The following TMEM161B variants were observed in gnomAD, a reference collection of about 807,000 sequenced individuals.
TMEM161B encodes the protein transmembrane protein 161B.
TMEM161B carries 34 observed loss-of-function variants against 61.8 expected under a neutral mutation model. The ratio of observed to expected loss-of-function variants is 0.55; its 90% CI spans 0.42 to 0.73. TMEM161B has a LOEUF of 0.73. TMEM161B is among the 30% of genes least tolerant of loss of function. The pLI is 0.00. For missense variants in TMEM161B, 456 were observed against 558.5 expected (o/e 0.82, Z 1.85); for synonymous variants, 167 against 192.8 (o/e 0.87, Z 1.11).
intron 5 of TMEM161B, among the ~76,000 whole-genome samples, chr5:88,211,973 G>A (rs1746894395): frequency 1.3e-5 from 2 of 152,002 alleles, no homozygotes; most frequent in Non-Finnish European, 2.9e-5. Flanking sequence ...CCACAAGGAA[G>A]TAAAAAAGAT....
chr5:88,249,502 T>A (rs10214154), intron 1 of TMEM161B, among the ~76,000 whole-genome samples: 3,307 of 151,794 alleles, frequency 0.022, 118 homozygotes, highest in African/African-American at 0.075. Context: ...TCTTTCAATC[T>A]TGCACGTAGT....
rs200186614 is a variant in TMEM161B, at chr5:88,196,485, T to A, written c.1190A>T (p.Asn397Ile). 3 of 1,569,234 alleles carry A rather than the reference T, an allele frequency of 1.9e-6. No homozygotes were observed. Among genetic ancestry groups the A allele is most frequent in the Non-Finnish European group, 2.6e-6 (3 of 1,160,270 alleles). Residue 397 changes from asparagine to isoleucine, a missense_variant, in exon 12 of 12, where the codon AAT becomes ATT. Asn to Ile is a moderately radical substitution (Grantham distance 149). This residue lies in a region of TMEM161B where 367 missense variants were observed against 427.3 expected (regional missense o/e 0.86). Transcript: ENST00000296595. ...TTCTGGATAAATACCCCAGGAATGA[T>A]TACCTAGAAAATCAAAGACACAAAT... ...HTTLLLKTLG[N>I]HSWGIYPESI... is the part of the protein sequence containing the mutation.
chr5:88,232,164 T>C (rs1049227941), intron 2 of TMEM161B, among the ~76,000 whole-genome samples: 4 of 152,028 alleles, frequency 2.6e-5, no homozygotes, highest in Admixed American at 1.3e-4. Flanking sequence ...CCTAAACAGA[T>C]CATAAAAAGG....
At chr5:88,231,085 T>A (rs1317329801) in intron 2 of TMEM161B, among the ~76,000 whole-genome samples, 1 of 152,226 alleles carries the variant, frequency 6.6e-6, no homozygotes, top group African/African-American at 2.4e-5. Context: ...AACACATTGA[T>A]GTGCCCAGAG....
intron 8 of TMEM161B, chr5:88,205,605 T>C: frequency 2.3e-6 from 1 of 443,098 alleles, no homozygotes. Context: ...ACAAATTTAG[T>C]AATCGATGAT....
At chr5:88,218,122 T>C (rs557099528) in intron 5 of TMEM161B, among the ~76,000 whole-genome samples, 5 of 152,000 alleles carry the variant, frequency 3.3e-5, no homozygotes, top group Admixed American at 6.5e-5. Context: ...CCAAATAATA[T>C]AAAAATATAA....
At chr5:88,215,369 C>T (rs1747637813) in intron 5 of TMEM161B, among the ~76,000 whole-genome samples, 1 of 152,098 alleles carries the variant, frequency 6.6e-6, no homozygotes, top group Non-Finnish European at 1.5e-5. Context: ...TATGTTATAA[C>T]TAAAGATAAA....
chr5:88,205,279 T>C (rs1020611290), intron 8 of TMEM161B, among the ~76,000 whole-genome samples: 1 of 152,266 alleles, frequency 6.6e-6, no homozygotes, highest in South Asian at 2.1e-4. Flanking sequence ...GTACAACATA[T>C]AACATTGTAG....
intron 5 of TMEM161B, among the ~76,000 whole-genome samples, chr5:88,210,358 G>A (rs1043719076): frequency 1.3e-5 from 2 of 152,092 alleles, no homozygotes; most frequent in African/African-American, 4.8e-5. Flanking sequence ...TCCTGATTGT[G>A]TTTAAATTTT....
chr5:88,195,530 A>T lies in TMEM161B; in HGVS notation c.*681T>A. 1 of 985,384 alleles carries T rather than the reference A, an allele frequency of 1.0e-6. No individual in the cohort carries two copies. The allele number at this position is 985,384 out of a possible 1,614,324, so 61.0% of individuals were successfully genotyped here. A position where few individuals can be genotyped will look rare whatever the true frequency, so the allele number is the denominator to read the frequency against. The stretch of plus-strand genomic sequence containing the variant: ...CAGGTCCAAACCTAATGGCAAGATT[A>T]CAAATGTTCATATGGCCAATCATTT... On this transcript the variant is annotated 3_prime_UTR_variant, in exon 12 of 12. Transcript: ENST00000296595.
chr5:88,224,085 A>AT (rs892351823), intron 4 of TMEM161B, among the ~76,000 whole-genome samples: 30 of 152,242 alleles, frequency 2.0e-4, no homozygotes, highest in African/African-American at 7.0e-4. Context: ...ACCTCTTAAG[A>AT]TTTTTTGATG....
chr5:88,192,024 A>C (rs4610489), downstream of TMEM161B, among the ~76,000 whole-genome samples: 3 of 51,504 alleles, frequency 5.8e-5, no homozygotes, highest in South Asian at 2.0e-3. Flanking sequence ...ATATATATAT[A>C]TATGTATATA....
intron 5 of TMEM161B, among the ~76,000 whole-genome samples, chr5:88,218,655 T>C (rs1748363053): frequency 1.3e-5 from 2 of 151,930 alleles, no homozygotes; most frequent in Admixed American, 6.6e-5. Context: ...ACCACTGCAC[T>C]CCAGCCTAGG....
At chr5:88,242,339 T>C (rs75959981) in intron 1 of TMEM161B, among the ~76,000 whole-genome samples, 3,189 of 148,754 alleles carry the variant, frequency 0.021, 103 homozygotes, top group African/African-American at 0.07. Flanking sequence ...GTATCCTACA[T>C]GGTACACCAT....
chr5:88,252,495 A>C (rs1754461180), intron 1 of TMEM161B, among the ~76,000 whole-genome samples: 3 of 152,334 alleles, frequency 2.0e-5, no homozygotes, highest in African/African-American at 7.2e-5. Context: ...ATGTCGTTGA[A>C]ACAAAAGGAA....
chr5:88,197,407 A>G (rs1056305121), intron 11 of TMEM161B, among the ~76,000 whole-genome samples: 1 of 152,302 alleles, frequency 6.6e-6, no homozygotes, highest in South Asian at 2.1e-4. Context: ...AGTGCTTACT[A>G]AAGTTACTGG....
At position 88,198,971 on chromosome 5, in the gene TMEM161B, C is replaced by T. The variant is rs1260628239; in HGVS notation, c.1089+5G>A. The T allele has an allele frequency of 6.3e-7, 1 of 1,599,418 alleles. No individual in the cohort carries two copies. Among genetic ancestry groups the T allele is most frequent in the Admixed American group, 1.7e-5 (1 of 58,746 alleles). On this transcript the variant is annotated splice_donor_5th_base_variant and intron_variant, in intron 10 of 11. Coordinates refer to ENST00000296595, the MANE Select transcript of TMEM161B (RefSeq NM_153354.5). ...TTTTCATTTTGACTAGGGTATAAAA[C>T]TTACCATTTTCTGTAGCTCAACCGT...
At chr5:88,255,841 T>C (rs914062186) in intron 1 of TMEM161B, among the ~76,000 whole-genome samples, 8 of 151,912 alleles carry the variant, frequency 5.3e-5, no homozygotes, top group Admixed American at 6.6e-5. Flanking sequence ...CTTTCAAAGG[T>C]CAAAAAGCAT....
At chr5:88,203,798 T>C (rs1452065533) in intron 8 of TMEM161B, among the ~76,000 whole-genome samples, 1 of 36,268 alleles carries the variant, frequency 2.8e-5, no homozygotes, top group Non-Finnish European at 5.6e-5. Flanking sequence ...TATATATATA[T>C]ATATATATAT....
Sources: allele counts gnomAD v4.1 joint callset (sites outside exome capture counted in the v4.1 genomes callset), GRCh38; gene constraint gnomAD v4.1.1; regional missense constraint gnomAD v4.1.1; transcripts MANE v1.5; gene names NCBI Gene and HGNC (gene_info 2026-07-23, HGNC 2026-07-21).